CDH12: variants seen among roughly 807,000 people sequenced by gnomAD.
The protein encoded by CDH12 is cadherin 12.
Under a neutral mutation model 74.1 loss-of-function variants are expected in CDH12, and 41 were observed. The observed-to-expected ratio is 0.55, with a 90% CI of 0.43 to 0.72. The LOEUF (loss-of-function observed/expected upper bound fraction) is 0.72. Among genes scored for constraint, CDH12 ranks in the 30% least tolerant of loss-of-function variants. The pLI, the probability that CDH12 is intolerant of heterozygous loss-of-function variation, is 0.00. For synonymous variants in CDH12, 399 were observed against 355.0 expected (o/e 1.12, Z -1.39); for missense variants, 945 against 977.2 (o/e 0.97, Z 0.44).
At chr5:22,704,499 A>T (rs1742880200) in intron 1 of CDH12, among the ~76,000 whole-genome samples, 1 of 152,134 alleles carries the variant, frequency 6.6e-6, no homozygotes, top group Non-Finnish European at 1.5e-5. Context: ...CTAAAAGTCC[A>T]GTAAAGTATT....
Position 22,544,612 on chromosome 5 carries a change from T to C in CDH12, c.-522-39248A>G, listed in dbSNP as rs543781517. On this transcript the variant is annotated intron_variant, in intron 1 of 14. Transcript: ENST00000382254. ...GGGAGAATTGTTTAAGCCTAGGTGT[T>C]CAAGACCAGACTGAGAAACATGGCA... is the stretch of plus-strand genomic sequence containing the variant. Among the ~76,000 whole-genome samples the C allele has an allele frequency of 3.3e-5, 5 of 152,142 alleles. No individual in the cohort carries two copies. The East Asian group carries it at 9.7e-4, about 30-fold the overall frequency.
chr5:22,180,478 A>C (rs1168486812), intron 4 of CDH12, among the ~76,000 whole-genome samples: 1 of 142,404 alleles, frequency 7.0e-6, no homozygotes, highest in Non-Finnish European at 1.5e-5. Context: ...TACAAAAATC[A>C]CAGTTTTTGA....
At position 22,321,977 on chromosome 5, in the gene CDH12, C is replaced by T. The variant is rs79916095; in HGVS notation, c.-333+83280G>A. On this transcript the variant is annotated intron_variant, in intron 3 of 14. Coordinates refer to ENST00000382254, the MANE Select transcript of CDH12 (RefSeq NM_004061.5). ...TGACTATTTTTACAATAAGCAAATT[C>T]GATATCTATTTCATAAATAGCAAAT... is the stretch of plus-strand genomic sequence containing the variant. Among the ~76,000 whole-genome samples the T allele has an allele frequency of 5.2e-4, 79 of 152,142 alleles. 1 individual carries two copies. The East Asian group carries it at 0.013, about 25-fold the overall frequency.
intron 3 of CDH12, among the ~76,000 whole-genome samples, chr5:22,335,678 C>A (rs1409240602): frequency 2.6e-5 from 4 of 152,094 alleles, no homozygotes; most frequent in African/African-American, 7.2e-5. Context: ...GTGACTTGCT[C>A]CTTCTTGCCT....
intron 4 of CDH12, among the ~76,000 whole-genome samples, chr5:22,101,431 C>A (rs1342644594): frequency 6.6e-6 from 1 of 152,126 alleles, no homozygotes; most frequent in Non-Finnish European, 1.5e-5. Context: ...CTTTTACATA[C>A]TTCCAAAACT....
intron 4 of CDH12, among the ~76,000 whole-genome samples, chr5:22,159,919 G>GCA: frequency 6.6e-6 from 1 of 152,258 alleles, no homozygotes; most frequent in Non-Finnish European, 1.5e-5. Flanking sequence ...CTGTGTGCGT[G>GCA]TGTGCGTGCA....
At position 21,920,667 on chromosome 5, in the gene CDH12, T is replaced by TATA. The variant is rs149078574; in HGVS notation, c.526+54423_526+54424insTAT. 1.1e-3 allele frequency among the ~76,000 whole-genome samples: 164 copies of TATA among 145,546 alleles called. 2 individuals are homozygous for TATA. The highest frequency in any genetic ancestry group is 3.6e-3 in the African/African-American group (145 of 40,538). On this transcript the variant is annotated intron_variant, in intron 6 of 14. Coordinates refer to ENST00000382254, the MANE Select transcript of CDH12 (RefSeq NM_004061.5). ...TGCACATGTACCCCAGAACTTAAAG[T>TATA]ATGATAATAATAATAATAATAATCT...
intron 1 of CDH12, among the ~76,000 whole-genome samples, chr5:22,633,401 T>G (rs145495951): frequency 6.6e-6 from 1 of 152,210 alleles, no homozygotes; most frequent in Non-Finnish European, 1.5e-5. Context: ...ATGCAATGGT[T>G]ATAAACTTAT....
chr5:22,367,937 A>T (rs1008177616), intron 3 of CDH12, among the ~76,000 whole-genome samples: 1 of 152,194 alleles, frequency 6.6e-6, no homozygotes, highest in Admixed American at 6.5e-5. Context: ...CTGAAAATAA[A>T]TAAACTATAT....
chr5:22,776,163 A>C (rs1747090305), intron 1 of CDH12, among the ~76,000 whole-genome samples: 1 of 152,140 alleles, frequency 6.6e-6, no homozygotes, highest in Non-Finnish European at 1.5e-5. Context: ...CAGCATGTAC[A>C]TGGAGTGAGG....
At chr5:22,469,971 TTTC>T (rs1253707863) in intron 2 of CDH12, among the ~76,000 whole-genome samples, 3 of 152,346 alleles carry the variant, frequency 2.0e-5, no homozygotes, top group East Asian at 1.9e-4. Flanking sequence ...GCATGTCTTT[TTTC>T]TTCTTCTTCT....
In CDH12 at chr5:21,829,589, G is replaced by A. The variant is rs11741034; in HGVS notation, c.815-12457C>T. 3.0e-3 allele frequency among the ~76,000 whole-genome samples: 455 copies of A among 152,122 alleles called. 1 individual carries two copies. Among genetic ancestry groups the A allele is most frequent in the African/African-American group, 0.011 (441 of 41,500 alleles). On this transcript the variant is annotated intron_variant, in intron 8 of 14. Transcript: ENST00000382254. ...GTTAACTTTCATAAAAACTACTTTA[G>A]AAGTCTCATTTCCTTGTCTATATAA...
intron 13 of CDH12, among the ~76,000 whole-genome samples, chr5:21,758,241 G>T (rs143509535): frequency 2.6e-4 from 39 of 151,862 alleles, no homozygotes; most frequent in African/African-American, 9.0e-4. Context: ...TAAAATATGT[G>T]GTCACTCTCA....
chr5:22,820,010 C>T lies in CDH12; in HGVS notation c.-523+33048G>A, dbSNP rs192244065. ...ATACATATACATATATATACATATA[C>T]ATATATATACATATATATACATATA... On this transcript the variant is annotated intron_variant, in intron 1 of 14. Coordinates refer to ENST00000382254, the MANE Select transcript of CDH12 (RefSeq NM_004061.5). Among the ~76,000 whole-genome samples the T allele has an allele frequency of 3.7e-3, 524 of 140,354 alleles. 3 individuals are homozygous for T. Among genetic ancestry groups the T allele is most frequent in the African/African-American group, 0.012 (460 of 37,634 alleles). The allele number at this position is 140,354 out of a possible 152,430, so 92.1% of individuals were successfully genotyped here. A position where few individuals can be genotyped will look rare whatever the true frequency, so the allele number is the denominator to read the frequency against.
intron 2 of CDH12, among the ~76,000 whole-genome samples, chr5:22,452,465 T>C (rs1179135106): frequency 6.6e-6 from 1 of 151,876 alleles, no homozygotes; most frequent in Non-Finnish European, 1.5e-5. Flanking sequence ...GAACACACAA[T>C]GGGGACACAA....
intron 1 of CDH12, among the ~76,000 whole-genome samples, chr5:22,625,787 GACC>G (rs1400421929): frequency 6.6e-6 from 1 of 152,100 alleles, no homozygotes; most frequent in Non-Finnish European, 1.5e-5. Flanking sequence ...TTTCCTGGCA[GACC>G]ACACCTGACC....
intron 2 of CDH12, among the ~76,000 whole-genome samples, chr5:22,490,231 A>G (rs879400702): frequency 1.2e-4 from 18 of 152,198 alleles, no homozygotes; most frequent in Non-Finnish European, 2.2e-4. Context: ...TCACAGGAAA[A>G]ACACAACTAA....
chr5:22,483,772 T>TATATA (rs1746482099), intron 2 of CDH12, among the ~76,000 whole-genome samples: 1 of 11,682 alleles, frequency 8.6e-5, no homozygotes, highest in Non-Finnish European at 2.1e-4. Context: ...ATAAATTTAA[T>TATATA]TAATTGGGCA....
At position 22,658,161 on chromosome 5, in the gene CDH12, T is replaced by C. The variant is rs561562595; in HGVS notation, c.-522-152797A>G. 3.9e-4 allele frequency among the ~76,000 whole-genome samples: 59 copies of C among 152,262 alleles called. 1 individual carries two copies. The Middle Eastern group carries it at 0.027, about 71-fold the overall frequency. ...GGCAAAGTTTTTGTTTTATGAATTA[T>C]GCTAGTTTTCCATGGCTATCATAAC... On this transcript the variant is annotated intron_variant, in intron 1 of 14. Transcript: ENST00000382254.
Sources: gnomAD v4.1 joint callset for allele counts (sites outside exome capture counted in the v4.1 genomes callset) on GRCh38, gnomAD v4.1.1 for gene constraint, MANE v1.5 for transcripts, NCBI Gene and HGNC (gene_info 2026-07-23, HGNC 2026-07-21) for gene names.